The following AGBL4 variants were observed in gnomAD, a reference collection of about 807,000 sequenced individuals.
AGBL4 encodes the protein AGBL carboxypeptidase 4.
Under a neutral mutation model 66.4 loss-of-function variants are expected in AGBL4, and 58 were observed. The observed-to-expected ratio is 0.87, with a 90% CI of 0.71 to 1.09. AGBL4 has a LOEUF of 1.09. Ranked by LOEUF, AGBL4 falls within the 50% of genes least tolerant of loss-of-function variation. The pLI is 0.00. For synonymous variants in AGBL4, 234 were observed against 222.9 expected (o/e 1.05, Z -0.44); for missense variants, 579 against 631.0 (o/e 0.92, Z 0.88).
Position 49,561,931 on chromosome 1 carries a change from A to C in AGBL4, c.282+135382T>G, listed in dbSNP as rs891746943. On this transcript the variant is annotated intron_variant, in intron 3 of 13. Coordinates refer to ENST00000371839, the MANE Select transcript of AGBL4 (RefSeq NM_032785.4). The stretch of plus-strand genomic sequence containing the variant: ...TAGTTTACAGTCCCACCAACAGTGT[A>C]AAAGTGTTCCTATTTCTCCACATCC... Among the ~76,000 whole-genome samples, 242 of 152,114 alleles carry C rather than the reference A, an allele frequency of 1.6e-3. 1 individual carries two copies. The highest frequency in any genetic ancestry group is 4.0e-3 in the African/African-American group (167 of 41,534).
At position 49,027,805 on chromosome 1, in the gene AGBL4, G is replaced by C. The variant is rs78738879; in HGVS notation, c.594+17779C>G. Among the ~76,000 whole-genome samples the C allele has an allele frequency of 6.2e-4, 94 of 152,290 alleles. 2 individuals carry two copies. In the East Asian group the frequency reaches 0.017, roughly 27 times the overall value. ...CAGGCATGGTAGACCAAGAGTATTA[G>C]AAGCCAAATGCCCTCGGCCCAGCTA... On this transcript the variant is annotated intron_variant, in intron 5 of 13. Transcript: ENST00000371839.
intron 1 of AGBL4, among the ~76,000 whole-genome samples, chr1:49,987,446 A>G (rs571717928): frequency 6.6e-6 from 1 of 152,062 alleles, no homozygotes; most frequent in South Asian, 2.1e-4. Context: ...CTTTAGGGAG[A>G]TGGGATTCAG....
At chr1:50,018,061 C>T (rs990100295) in intron 1 of AGBL4, among the ~76,000 whole-genome samples, 1 of 152,092 alleles carries the variant, frequency 6.6e-6, no homozygotes, top group Non-Finnish European at 1.5e-5. Flanking sequence ...GATGTCCCTT[C>T]CCCAAGAGAT....
At chr1:49,284,260 T>C (rs951841245) in intron 3 of AGBL4, among the ~76,000 whole-genome samples, 3 of 152,046 alleles carry the variant, frequency 2.0e-5, no homozygotes, top group African/African-American at 7.3e-5. Context: ...GAATTTCATA[T>C]CCAGCCAAAC....
chr1:49,180,503 G>T (rs1458926496), intron 4 of AGBL4, among the ~76,000 whole-genome samples: 1 of 152,160 alleles, frequency 6.6e-6, no homozygotes, highest in Non-Finnish European at 1.5e-5. Context: ...TCTTCTGATA[G>T]TAAGTGGAAA....
chr1:48,687,782 C>T (rs111397147), intron 6 of AGBL4, among the ~76,000 whole-genome samples: 1 of 152,198 alleles, frequency 6.6e-6, no homozygotes, highest in Non-Finnish European at 1.5e-5. Flanking sequence ...GGCCCTGGAC[C>T]AGCACCCTCG....
intron 6 of AGBL4, among the ~76,000 whole-genome samples, chr1:48,773,395 G>C (rs1295662232): frequency 6.6e-6 from 1 of 152,092 alleles, no homozygotes; most frequent in Non-Finnish European, 1.5e-5. Context: ...GAGGTCAAAG[G>C]TGAGTCAAAC....
intron 6 of AGBL4, among the ~76,000 whole-genome samples, chr1:48,726,405 C>A (rs1435976945): frequency 6.6e-6 from 1 of 152,110 alleles, no homozygotes; most frequent in Non-Finnish European, 1.5e-5. Flanking sequence ...CTTCCCCATG[C>A]CCTTAAATGA....
intron 3 of AGBL4, among the ~76,000 whole-genome samples, chr1:49,550,462 C>T (rs1017523699): frequency 1.2e-4 from 19 of 152,108 alleles, no homozygotes; most frequent in Admixed American, 5.9e-4. Flanking sequence ...CAAGATTTAG[C>T]GCTCCTTTTT....
intron 3 of AGBL4, chr1:49,469,999 C>T (rs1646709674): frequency 6.6e-6 from 1 of 151,890 alleles, no homozygotes. Flanking sequence ...TAGTCTCAGT[C>T]TCTCTACCTG....
intron 11 of AGBL4, among the ~76,000 whole-genome samples, chr1:48,555,607 A>G (rs1644309402): frequency 6.6e-6 from 1 of 152,204 alleles, no homozygotes; most frequent in Non-Finnish European, 1.5e-5. Flanking sequence ...TTTCTCCTGC[A>G]GATAATGGGA....
chr1:49,239,446 C>T (rs1401853342), intron 4 of AGBL4, among the ~76,000 whole-genome samples: 3 of 151,648 alleles, frequency 2.0e-5, no homozygotes, highest in Non-Finnish European at 4.4e-5. Context: ...AATCTAAATG[C>T]CCAGCAATAG....
chr1:48,788,288 C>T (rs1406419146), intron 6 of AGBL4, among the ~76,000 whole-genome samples: 1 of 152,200 alleles, frequency 6.6e-6, no homozygotes, highest in Non-Finnish European at 1.5e-5. Context: ...TTACTCTTTC[C>T]TTTCAGGAGG....
intron 1 of AGBL4, among the ~76,000 whole-genome samples, chr1:49,978,466 T>G (rs1052637294): frequency 6.6e-6 from 1 of 152,082 alleles, no homozygotes; most frequent in African/African-American, 2.4e-5. Context: ...CAAAAAAAAT[T>G]ATTTCAGGGT....
At chr1:49,182,741 A>C (rs1032749523) in intron 4 of AGBL4, among the ~76,000 whole-genome samples, 1 of 152,014 alleles carries the variant, frequency 6.6e-6, no homozygotes, top group Admixed American at 6.6e-5. Context: ...GGAGATCATT[A>C]TTATTTGAGC....
Position 49,658,177 on chromosome 1 carries a change from C to A in AGBL4, c.282+39136G>T, listed in dbSNP as rs563177809. On this transcript the variant is annotated intron_variant, in intron 3 of 13. Coordinates refer to ENST00000371839, the MANE Select transcript of AGBL4 (RefSeq NM_032785.4). ...AATTTACAAGAAAAAAACAAACAACCCCATCAAAAAGTGGGTGAAGGATAT... is the reference window on the plus strand; with the variant it reads ...AATTTACAAGAAAAAAACAAACAACACCATCAAAAAGTGGGTGAAGGATAT... 3.3e-3 allele frequency among the ~76,000 whole-genome samples: 508 copies of A among 152,072 alleles called. 5 individuals carry two copies. The highest frequency in any genetic ancestry group is 0.012 in the African/African-American group (492 of 41,468).
At chr1:49,999,452 C>G (rs1572035913) in intron 1 of AGBL4, among the ~76,000 whole-genome samples, 1 of 151,802 alleles carries the variant, frequency 6.6e-6, no homozygotes, top group Non-Finnish European at 1.5e-5. Flanking sequence ...AAATGAAATA[C>G]ATCCCGTGCT....
At chr1:49,875,128 C>CTT (rs200582254) in intron 1 of AGBL4, among the ~76,000 whole-genome samples, 1 of 141,350 alleles carries the variant, frequency 7.1e-6, no homozygotes, top group African/African-American at 2.6e-5. Flanking sequence ...TTTCCAATTT[C>CTT]TTTTTTTTTA....
At chr1:48,913,238 G>A (rs926790998) in intron 5 of AGBL4, among the ~76,000 whole-genome samples, 1 of 152,126 alleles carries the variant, frequency 6.6e-6, no homozygotes, top group Non-Finnish European at 1.5e-5. Flanking sequence ...GTGGTGGAGA[G>A]GTAATGGGGG....
Sources: allele counts gnomAD v4.1 joint callset (sites outside exome capture counted in the v4.1 genomes callset), GRCh38; gene constraint gnomAD v4.1.1; transcripts MANE v1.5; gene names NCBI Gene and HGNC (gene_info 2026-07-23, HGNC 2026-07-21).